Variants in SLC22A5 observed in about 807,000 individuals in gnomAD.
SLC22A5 encodes organic cation/carnitine transporter 2.
A neutral mutation model predicts 56.7 loss-of-function variants in SLC22A5; 44 were observed. That is an observed-to-expected ratio of 0.78 (90% CI 0.61 to 1.00). The LOEUF is 1.00. SLC22A5 is among the 50% of genes least tolerant of loss of function. The probability of loss-of-function intolerance (pLI) is 0.00; values close to 1 mark genes in which losing one functional copy is unlikely to be tolerated. For synonymous variants in SLC22A5, 278 were observed against 292.1 expected (o/e 0.95, Z 0.49); for missense variants, 675 against 723.0 (o/e 0.93, Z 0.76).
chr5:132,378,285 G>A, intron 1 of SLC22A5, 93 bp from the exon 2 acceptor site: 2 of 1,613,610 alleles, frequency 1.2e-6, no homozygotes, highest in South Asian at 1.1e-5. Flanking sequence ...GTGTGGGGAT[G>A]GCAGGATGTT....
In SLC22A5 at chr5:132,386,395, T is replaced by C. The variant is rs888178709; in HGVS notation, c.825-630T>C. On this transcript the variant is annotated intron_variant, in intron 4 of 9. Coordinates refer to ENST00000245407, the MANE Select transcript of SLC22A5 (RefSeq NM_003060.4). ...GGTGCCTGCCACCACACTTGGCTAA[T>C]TTTTTTTGTATTTCTTTGGAGAGAC... 3.3e-5 allele frequency among the ~76,000 whole-genome samples: 5 copies of C among 152,032 alleles called. No homozygotes were observed. The South Asian group carries it at 1.0e-3, about 32-fold the overall frequency.
At chr5:132,370,953 C>CT (rs750736082) in intron 1 of SLC22A5, among the ~76,000 whole-genome samples, 2,995 of 133,740 alleles carry the variant, frequency 0.022, 144 homozygotes, top group African/African-American at 0.066. Flanking sequence ...AGTTGTCAGT[C>CT]TTTTTTTTTT....
Position 132,395,485 on chromosome 5 carries a change from T to A in SLC22A5, c.*1213T>A, listed in dbSNP as rs1021859536. 1 of 152,810 alleles carries A rather than the reference T, an allele frequency of 6.5e-6. No homozygotes were observed. Among genetic ancestry groups the A allele is most frequent in the Non-Finnish European group, 1.5e-5 (1 of 68,034 alleles). The allele number at this position is 152,810 out of a possible 1,614,324, so 9.5% of individuals were successfully genotyped here. On this transcript the variant is annotated 3_prime_UTR_variant, in exon 10 of 10. Transcript: ENST00000245407. ...GTAATTGTCTTCTCTTTGCTGATTA[T>A]GTTACCATGGTACTCCTAAAGCATA... is the stretch of plus-strand genomic sequence containing the variant.
Position 132,378,203 on chromosome 5 carries a change from G to T in SLC22A5, c.394-175G>T, listed in dbSNP as rs1486807243. On this transcript the variant is annotated intron_variant, in intron 1 of 9. Transcript: ENST00000245407. ...CTACAATGCTATGAAAAACAGGATG[G>T]GAAAGAAGCCTGCTCTCTGCCTTCC... is the stretch of plus-strand genomic sequence containing the variant. 4 of 1,610,866 alleles carry T rather than the reference G, an allele frequency of 2.5e-6. No homozygotes were observed. The Admixed American group carries it at 6.8e-5, about 27-fold the overall frequency.
chr5:132,378,365 G>T lies in SLC22A5; in HGVS notation c.394-13G>T. 1 of 1,613,350 alleles carries T rather than the reference G, an allele frequency of 6.2e-7. No individual in the cohort carries two copies. Among genetic ancestry groups the T allele is most frequent in the African/African-American group, 1.3e-5 (1 of 74,914 alleles). ...AAGAAGTGAATGATACACCCCCTTTGCTCATCTTGCAGTGGAACCTGGTGT... is the reference window on the plus strand; with the variant it reads ...AAGAAGTGAATGATACACCCCCTTTTCTCATCTTGCAGTGGAACCTGGTGT... On this transcript the variant is annotated splice_polypyrimidine_tract_variant and intron_variant, in intron 1 of 9. Coordinates refer to ENST00000245407, the MANE Select transcript of SLC22A5 (RefSeq NM_003060.4).
chr5:132,387,781 A>G (rs191248431), intron 5 of SLC22A5: 19 of 160,550 alleles, frequency 1.2e-4, no homozygotes, highest in Non-Finnish European at 2.2e-4. Context: ...GGCTCTACCT[A>G]GTTCCTGGTT....
chr5:132,385,646 C>T, intron 4 of SLC22A5, 147 bp downstream of exon 4: 1 of 766,018 alleles, frequency 1.3e-6, no homozygotes, highest in Non-Finnish European at 2.2e-6. Context: ...ATGTTTTCTC[C>T]ACACTCAAAA....
At chr5:132,392,725 A>C in intron 8 of SLC22A5, 110 bp downstream of exon 8, 2 of 902,402 alleles carry the variant, frequency 2.2e-6, no homozygotes, top group Admixed American at 3.9e-5. Context: ...CATACAGTAC[A>C]TGGGCTCCAT....
intron 7 of SLC22A5, among the ~76,000 whole-genome samples, chr5:132,391,442 G>A (rs187872960): frequency 5.3e-5 from 8 of 152,332 alleles, no homozygotes; most frequent in East Asian, 3.9e-4. Context: ...GGACAATGCC[G>A]AGTTAGTTTA....
At chr5:132,390,309 C>G (rs1258454051) in intron 6 of SLC22A5, 10 of 352,486 alleles carry the variant, frequency 2.8e-5, no homozygotes, top group Admixed American at 4.2e-5. Context: ...TGTCTGCCTC[C>G]TGACTCATTC....
intron 4 of SLC22A5, among the ~76,000 whole-genome samples, chr5:132,386,484 G>C (rs1752534516): frequency 6.6e-6 from 1 of 152,138 alleles, no homozygotes; most frequent in African/African-American, 2.4e-5. Flanking sequence ...ACCGGCCTTG[G>C]CCTCCTAAAG....
chr5:132,390,601 T>G, intron 6 of SLC22A5, 89 bp from the exon 7 acceptor site: 3 of 938,118 alleles, frequency 3.2e-6, no homozygotes, highest in Non-Finnish European at 3.5e-6. Context: ...TGGTTTGGAA[T>G]TTACTGAAAT....
At chr5:132,385,233 T>A in intron 3 of SLC22A5, 95 bp from the exon 4 acceptor site, 1 of 1,143,870 alleles carries the variant, frequency 8.7e-7, no homozygotes, top group Non-Finnish European at 1.3e-6. Context: ...GTTCTCGCTG[T>A]TTTCTTGTCT....
At chr5:132,393,638 G>A (rs747701692) in intron 8 of SLC22A5, 38 bp from the exon 9 acceptor site, 1 of 1,613,164 alleles carries the variant, frequency 6.2e-7, no homozygotes, top group Non-Finnish European at 8.5e-7. Flanking sequence ...AAGTCTAACT[G>A]CAGCCCTGGG....
chr5:132,392,387 C>T, intron 7 of SLC22A5, 46 bp from the exon 8 acceptor site: 1 of 1,537,432 alleles, frequency 6.5e-7, no homozygotes, highest in South Asian at 1.1e-5. Flanking sequence ...TAGCTGCATG[C>T]CATGGGTTGG....
chr5:132,372,528 C>T (rs888464742), intron 1 of SLC22A5, among the ~76,000 whole-genome samples: 2 of 152,182 alleles, frequency 1.3e-5, no homozygotes, highest in African/African-American at 4.8e-5. Context: ...CTCCCAAAGG[C>T]CAGCTGTGCC....
intron 1 of SLC22A5, 32 bp downstream of exon 1, chr5:132,370,397 A>C (rs755104008): frequency 1.2e-6 from 2 of 1,607,242 alleles, no homozygotes; most frequent in East Asian, 2.2e-5. Flanking sequence ...GGCTGAGACC[A>C]GGGCTCGGAG....
intron 4 of SLC22A5, among the ~76,000 whole-genome samples, chr5:132,385,839 G>A (rs1259678688): frequency 6.6e-6 from 1 of 152,252 alleles, no homozygotes; most frequent in Admixed American, 6.5e-5. Context: ...GTGTGCTGCT[G>A]AAGCCTCATG....
rs1751813801 is a variant in SLC22A5, at chr5:132,369,867, C to T, written c.-106C>T. On this transcript the variant is annotated 5_prime_UTR_variant, in exon 1 of 10. Coordinates refer to ENST00000245407, the MANE Select transcript of SLC22A5 (RefSeq NM_003060.4). ...ACCCTCCGCGGACGGTCTTGGGTCG[C>T]CTGCTGCCTGGCTTGCCTGGTCGGC... 4.1e-6 allele frequency: 6 copies of T among 1,469,202 alleles called. No individual in the cohort carries two copies. In the Admixed American group the frequency reaches 1.3e-4, roughly 32 times the overall value. The allele number at this position is 1,469,202 out of a possible 1,614,324, so 91.0% of individuals were successfully genotyped here. A position where few individuals can be genotyped will look rare whatever the true frequency, so the allele number is the denominator to read the frequency against.
Sources: allele counts gnomAD v4.1 joint callset (sites outside exome capture counted in the v4.1 genomes callset), GRCh38; gene constraint gnomAD v4.1.1; transcripts MANE v1.5; gene names NCBI Gene and HGNC (gene_info 2026-07-23, HGNC 2026-07-21).